The following GPHN variants were observed in gnomAD, a reference collection of about 807,000 sequenced individuals.
The protein encoded by GPHN is gephyrin.
In GPHN, 17 loss-of-function variants were observed where a neutral mutation model predicts 95.5. The ratio of observed to expected loss-of-function variants is 0.18; its 90% confidence interval spans 0.12 to 0.27. The LOEUF (loss-of-function observed/expected upper bound fraction) is 0.27. GPHN is among the 10% of genes least tolerant of loss of function. The pLI, the probability that GPHN is intolerant of heterozygous loss-of-function variation, is 1.00. For synonymous variants in GPHN, 320 were observed against 322.5 expected (o/e 0.99, Z 0.08); for missense variants, 660 against 978.1 (o/e 0.67, Z 4.34).
chr14:67,346,732 T>C, the GPHN span, among the ~76,000 whole-genome samples: 3 of 152,174 alleles, frequency 2.0e-5, no homozygotes, highest in Non-Finnish European at 4.4e-5. Context: ...GCTATAAAAA[T>C]CTAGAAAGAA....
intron 2 of GPHN, among the ~76,000 whole-genome samples, chr14:66,745,605 A>G (rs1234066041): frequency 1.3e-5 from 2 of 152,016 alleles, no homozygotes. Context: ...GATGTAGAAT[A>G]ATTCATATGT....
the GPHN span, chr14:67,674,345 T>TC: frequency 6.4e-7 from 1 of 1,551,878 alleles, no homozygotes; most frequent in Admixed American, 2.0e-5. Flanking sequence ...AGGGCTGCGC[T>TC]CCCCACGGCG....
chr14:67,477,034 C>A, the GPHN span, among the ~76,000 whole-genome samples: 2 of 152,118 alleles, frequency 1.3e-5, no homozygotes, highest in Non-Finnish European at 2.9e-5. Flanking sequence ...AATGTGGTGG[C>A]ATGCGCCTAT....
At position 66,695,225 on chromosome 14, in the gene GPHN, TAACA is replaced by T. The variant is rs1205017574; in HGVS notation, c.143+14045_143+14048del. On this transcript the variant is annotated intron_variant, in intron 2 of 22. Coordinates refer to ENST00000478722, the MANE Select transcript of GPHN (RefSeq NM_020806.5). ...CTATTGAAAAGTGGGCCAAAGACCT[TAACA>T]AACACCTCACCAAAGAAGATATACA... Among the ~76,000 whole-genome samples, 4 of 152,170 alleles carry T rather than the reference TAACA, an allele frequency of 2.6e-5. No individual in the cohort carries two copies. The East Asian group carries it at 5.8e-4, about 22-fold the overall frequency.
At chr14:67,308,568 CAG>C in the GPHN span, among the ~76,000 whole-genome samples, 1 of 135,226 alleles carries the variant, frequency 7.4e-6, no homozygotes, top group Non-Finnish European at 1.5e-5. Context: ...TTTTTGGAGA[CAG>C]AGTTTCACTC....
intron 1 of GPHN, among the ~76,000 whole-genome samples, chr14:66,608,461 G>A (rs772745586): frequency 5.9e-5 from 9 of 152,026 alleles, no homozygotes; most frequent in Non-Finnish European, 1.3e-4. Flanking sequence ...TGTATATTAT[G>A]TGATTTTGGG....
At chr14:66,578,288 A>G (rs1275378810) in intron 1 of GPHN, among the ~76,000 whole-genome samples, 2 of 151,764 alleles carry the variant, frequency 1.3e-5, no homozygotes, top group African/African-American at 4.8e-5. Flanking sequence ...ATGAAAAAAG[A>G]ATTTAAGAGT....
chr14:67,571,551 G>T, the GPHN span: 14 of 527,730 alleles, frequency 2.7e-5, no homozygotes, highest in African/African-American at 2.6e-4. Flanking sequence ...GATGGTGTGT[G>T]GGAAGGGAGG....
intron 21 of GPHN, among the ~76,000 whole-genome samples, chr14:67,172,222 A>G (rs2082639509): frequency 6.6e-6 from 1 of 152,036 alleles, no homozygotes; most frequent in African/African-American, 2.4e-5. Flanking sequence ...GTGGAGCCAA[A>G]TAGAGGTGGA....
At chr14:67,354,777 T>C in the GPHN span, among the ~76,000 whole-genome samples, 1 of 152,086 alleles carries the variant, frequency 6.6e-6, no homozygotes, top group East Asian at 1.9e-4. Flanking sequence ...AAAATATGGA[T>C]TTACTTTTTA....
chr14:67,106,231 C>T (rs2078033886), intron 13 of GPHN, among the ~76,000 whole-genome samples: 1 of 152,078 alleles, frequency 6.6e-6, no homozygotes, highest in Non-Finnish European at 1.5e-5. Flanking sequence ...TCCTTTCTTC[C>T]TGTCCTGTAA....
chr14:66,955,379 T>G (rs987864629), intron 8 of GPHN, among the ~76,000 whole-genome samples: 1 of 152,180 alleles, frequency 6.6e-6, no homozygotes, highest in Non-Finnish European at 1.5e-5. Flanking sequence ...GTCATGCAAC[T>G]TGTTGGCATA....
chr14:67,129,842 A>G (rs961370338), intron 17 of GPHN, among the ~76,000 whole-genome samples: 7 of 135,406 alleles, frequency 5.2e-5, no homozygotes, highest in Admixed American at 2.2e-4. Context: ...GGGAGGGAGG[A>G]AGGAAGGAAG....
intron 12 of GPHN, among the ~76,000 whole-genome samples, chr14:67,091,855 A>G (rs556685950): frequency 1.3e-5 from 2 of 150,706 alleles, no homozygotes; most frequent in South Asian, 4.2e-4. Flanking sequence ...TTGTTATTTC[A>G]CCAAAAAAAA....
chr14:67,136,443 G>A (rs948296286), intron 17 of GPHN, among the ~76,000 whole-genome samples: 1 of 152,170 alleles, frequency 6.6e-6, no homozygotes, highest in African/African-American at 2.4e-5. Context: ...TTAAAGGATA[G>A]GGCAGTCTTA....
intron 1 of GPHN, among the ~76,000 whole-genome samples, chr14:66,654,146 TTTTG>T (rs749652152): frequency 2.0e-5 from 3 of 152,128 alleles, no homozygotes; most frequent in East Asian, 1.9e-4. Context: ...CATTACATTT[TTTTG>T]TTTGTTTTTG....
At chr14:66,673,178 C>T (rs144315719) in intron 1 of GPHN, among the ~76,000 whole-genome samples, 213 of 152,176 alleles carry the variant, frequency 1.4e-3, no homozygotes, top group African/African-American at 4.4e-3. Flanking sequence ...CTGCAACCTC[C>T]GCCTCCTGGG....
At chr14:67,395,634 C>T in the GPHN span, 27 of 1,551,700 alleles carry the variant, frequency 1.7e-5, no homozygotes, top group Admixed American at 5.3e-5. Context: ...AGCAAGAGGA[C>T]GCCGGGCAGC....
intron 1 of GPHN, among the ~76,000 whole-genome samples, chr14:66,583,606 C>T (rs1426946916): frequency 1.3e-5 from 2 of 152,134 alleles, no homozygotes; most frequent in Non-Finnish European, 2.9e-5. Context: ...CTCCATATGG[C>T]TAGCCAGTTT....
Sources: gnomAD v4.1 joint callset for allele counts (sites outside exome capture counted in the v4.1 genomes callset) on GRCh38, gnomAD v4.1.1 for gene constraint, MANE v1.5 for transcripts, NCBI Gene and HGNC (gene_info 2026-07-23, HGNC 2026-07-21) for gene names.